MVB12B: variants seen among roughly 807,000 people sequenced by gnomAD.
MVB12B encodes ESCRT-I complex subunit MVB12B.
In MVB12B, 16 loss-of-function variants were observed where a neutral mutation model predicts 41.6. The observed-to-expected ratio is 0.38, with a 90% confidence interval of 0.26 to 0.58. The LOEUF (loss-of-function observed/expected upper bound fraction) is 0.58, where lower values mean the gene tolerates loss of function less well. Among genes scored for constraint, MVB12B ranks in the 20% least tolerant of loss-of-function variants. MVB12B has a pLI of 0.62. For missense variants in MVB12B, 274 were observed against 380.2 expected, an observed-to-expected ratio of 0.72 and a Z score of 2.32; for synonymous variants, 133 against 139.7, an observed-to-expected ratio of 0.95 and a Z score of 0.34.
Position 126,459,897 on chromosome 9 carries a change from C to T in MVB12B, c.758-21472C>T, listed in dbSNP as rs920713653. 1.4e-4 allele frequency among the ~76,000 whole-genome samples: 21 copies of T among 152,318 alleles called. No individual in the cohort carries two copies. The highest frequency in any genetic ancestry group is 4.3e-4 in the African/African-American group (18 of 41,576). On this transcript the variant is annotated intron_variant, in intron 7 of 9. Transcript: ENST00000361171. The surrounding 1 kb of genome is among the most constrained non-coding windows in gnomAD (Gnocchi z 4.3). Reference sequence around the variant, plus strand: ...GGGGCTCAGTAATGGTTTTCACAGGCGGGTTTCATGAGTGGAGCCGCTCTT... The same window carrying T: ...GGGGCTCAGTAATGGTTTTCACAGGTGGGTTTCATGAGTGGAGCCGCTCTT...
Position 126,449,115 on chromosome 9 carries a change from G to A in MVB12B, c.757+27167G>A, listed in dbSNP as rs193217981. On this transcript the variant is annotated intron_variant, in intron 7 of 9. Transcript: ENST00000361171. Reference sequence around the variant, plus strand: ...CAGTTCCTTGCACCTGTCTCTCAAGGGGCATTCGTTCACTGGGCAGTTACT... The same window carrying A: ...CAGTTCCTTGCACCTGTCTCTCAAGAGGCATTCGTTCACTGGGCAGTTACT... 5.3e-5 allele frequency among the ~76,000 whole-genome samples: 8 copies of A among 152,158 alleles called. No homozygotes were observed. The East Asian group carries it at 1.6e-3, about 30-fold the overall frequency.
intron 6 of MVB12B, among the ~76,000 whole-genome samples, chr9:126,418,268 G>C (rs1412618115): frequency 6.6e-6 from 1 of 152,184 alleles, no homozygotes; most frequent in African/African-American, 2.4e-5. Flanking sequence ...GAGGCCCCGA[G>C]GGACAAGAAA....
At chr9:126,497,856 C>G (rs1481225909) in intron 9 of MVB12B, among the ~76,000 whole-genome samples, 1 of 152,252 alleles carries the variant, frequency 6.6e-6, no homozygotes. Context: ...GTTTCCAAAC[C>G]GAACAGTTGC....
At chr9:126,463,620 G>A (rs900214454) in intron 7 of MVB12B, among the ~76,000 whole-genome samples, 2 of 152,240 alleles carry the variant, frequency 1.3e-5, no homozygotes, top group African/African-American at 4.8e-5. Context: ...GCTCTAAGGA[G>A]GAAGAAGTCT....
intron 6 of MVB12B, among the ~76,000 whole-genome samples, chr9:126,417,437 T>A (rs1373852272): frequency 6.6e-6 from 1 of 152,236 alleles, no homozygotes; most frequent in Non-Finnish European, 1.5e-5. Context: ...GATTTCTTCT[T>A]ACCCATACCT....
At chr9:126,330,765 C>A (rs1019157207) in intron 1 of MVB12B, among the ~76,000 whole-genome samples, 1 of 152,120 alleles carries the variant, frequency 6.6e-6, no homozygotes, top group Admixed American at 6.5e-5. Flanking sequence ...TGCATTTCCC[C>A]CTTTCCTGAC....
intron 6 of MVB12B, among the ~76,000 whole-genome samples, chr9:126,406,538 G>C (rs1241309989): frequency 6.6e-6 from 1 of 152,228 alleles, no homozygotes; most frequent in Non-Finnish European, 1.5e-5. Flanking sequence ...TGTTTTAGTA[G>C]GCTGGAAGAA....
chr9:126,380,464 C>A (rs560593601), intron 2 of MVB12B, among the ~76,000 whole-genome samples: 1 of 152,154 alleles, frequency 6.6e-6, no homozygotes, highest in African/African-American at 2.4e-5. Flanking sequence ...AACAAGGAAC[C>A]GAGTGAGTCT....
intron 7 of MVB12B, among the ~76,000 whole-genome samples, chr9:126,428,303 T>C (rs1449255935): frequency 6.6e-6 from 1 of 152,236 alleles, no homozygotes; most frequent in African/African-American, 2.4e-5. Flanking sequence ...GGACATTTAA[T>C]TATCAGTATT....
chr9:126,456,695 T>C (rs1832991907), intron 7 of MVB12B, among the ~76,000 whole-genome samples: 1 of 152,174 alleles, frequency 6.6e-6, no homozygotes, highest in African/African-American at 2.4e-5. Context: ...CAGCTTCCTT[T>C]TCCTCCTGGG....
At chr9:126,477,712 T>C (rs1833447987) in intron 7 of MVB12B, among the ~76,000 whole-genome samples, 1 of 152,182 alleles carries the variant, frequency 6.6e-6, no homozygotes, top group East Asian at 1.9e-4. Flanking sequence ...CCACAACTCG[T>C]GGGGATTATA....
At chr9:126,471,346 G>A (rs904711610) in intron 7 of MVB12B, among the ~76,000 whole-genome samples, 4 of 152,324 alleles carry the variant, frequency 2.6e-5, no homozygotes, top group African/African-American at 4.8e-5. Context: ...GGCCCAGCTC[G>A]GCGTTCACAC....
chr9:126,439,991 T>G (rs1392827841), intron 7 of MVB12B, among the ~76,000 whole-genome samples: 1 of 152,226 alleles, frequency 6.6e-6, no homozygotes, highest in African/African-American at 2.4e-5. Context: ...CCATTTACTC[T>G]GATGATATTA....
chr9:126,470,130 G>A (rs1833281564), intron 7 of MVB12B, among the ~76,000 whole-genome samples: 1 of 152,210 alleles, frequency 6.6e-6, no homozygotes, highest in Non-Finnish European at 1.5e-5. Context: ...TTTCGCGGTA[G>A]ACCCCTTTCT....
At position 126,413,818 on chromosome 9, in the gene MVB12B, T is replaced by TTGTGTGTGTGTGTGTG. The variant is rs34089808; in HGVS notation, c.663-8016_663-8001dup. On this transcript the variant is annotated intron_variant, in intron 6 of 9. Transcript: ENST00000361171. ...TCTGGAATCCTGTGAACCCCATTGGTTGTGTGTGTGTGTGTGTGTGTGTGT... is the reference window on the plus strand; with the variant it reads ...TCTGGAATCCTGTGAACCCCATTGGTTGTGTGTGTGTGTGTGTGTGTGTGTGTGTGTGTGTGTGTGT... 1.8e-3 allele frequency among the ~76,000 whole-genome samples: 200 copies of TTGTGTGTGTGTGTGTG among 109,470 alleles called. 3 individuals are homozygous for TTGTGTGTGTGTGTGTG. In the East Asian group the frequency reaches 0.021, roughly 11 times the overall value. The allele number at this position is 109,470 out of a possible 152,430, so 71.8% of individuals were successfully genotyped here.
Position 126,478,481 on chromosome 9 carries a change from G to A in MVB12B, c.758-2888G>A, listed in dbSNP as rs755840040. ...CCTACAATAAGAGGAGAGGAGACAC[G>A]GGCCTGGCCAGACCCCAGGGAGGAC... On this transcript the variant is annotated intron_variant, in intron 7 of 9. Coordinates refer to ENST00000361171, the MANE Select transcript of MVB12B (RefSeq NM_033446.3). The surrounding 1 kb of genome is among the most constrained non-coding windows in gnomAD (Gnocchi z 4.2). 7.9e-5 allele frequency among the ~76,000 whole-genome samples: 12 copies of A among 152,124 alleles called. No individual in the cohort carries two copies. Among genetic ancestry groups the A allele is most frequent in the Non-Finnish European group, 1.3e-4 (9 of 68,038 alleles).
chr9:126,330,777 C>G (rs1314220925), intron 1 of MVB12B, among the ~76,000 whole-genome samples: 1 of 152,046 alleles, frequency 6.6e-6, no homozygotes, highest in Admixed American at 6.5e-5. Context: ...TTTCCTGACC[C>G]CTGGCAACCA....
At chr9:126,449,257 G>A (rs555979076) in intron 7 of MVB12B, among the ~76,000 whole-genome samples, 8 of 152,180 alleles carry the variant, frequency 5.3e-5, no homozygotes, top group African/African-American at 7.2e-5. Flanking sequence ...ACCTGCCACC[G>A]GTACAAATAC....
chr9:126,329,922 C>T (rs1428994352), intron 1 of MVB12B, among the ~76,000 whole-genome samples: 5 of 151,536 alleles, frequency 3.3e-5, no homozygotes, highest in Middle Eastern at 3.4e-3. Flanking sequence ...CAACCCACCC[C>T]GCCCCCAACC....
Sources: allele counts gnomAD v4.1 joint callset (sites outside exome capture counted in the v4.1 genomes callset), GRCh38; gene constraint gnomAD v4.1.1; non-coding constraint Gnocchi (gnomAD v3.1); transcripts MANE v1.5; gene names NCBI Gene and HGNC (gene_info 2026-07-23, HGNC 2026-07-21).